The following CAPN8 variants were observed in gnomAD, a reference collection of about 807,000 sequenced individuals.
CAPN8 encodes calpain-8.
CAPN8 carries 87 observed loss-of-function variants against 80.9 expected under a neutral mutation model. That is an observed-to-expected ratio of 1.07 (90% CI 0.90 to 1.28). CAPN8 has a LOEUF of 1.28. Ranked by LOEUF, CAPN8 falls within the 50% of genes most tolerant of loss-of-function variation. CAPN8 has a pLI of 0.00. For synonymous variants in CAPN8, 299 were observed against 273.8 expected (o/e 1.09, Z -0.91); for missense variants, 757 against 702.0 (o/e 1.08, Z -0.89).
chr1:223,628,939 A>G (rs1463308814), intron 2 of CAPN8, 159 bp from the exon 3 acceptor site: 1 of 603,294 alleles, frequency 1.7e-6, no homozygotes, highest in Non-Finnish European at 2.9e-6. Context: ...ACCCGCAGCC[A>G]TCAGCTTCTT....
intron 2 of CAPN8, among the ~76,000 whole-genome samples, chr1:223,631,910 G>A (rs1389059408): frequency 2.0e-5 from 3 of 152,132 alleles, no homozygotes; most frequent in Non-Finnish European, 4.4e-5. Flanking sequence ...CCTCATTACT[G>A]GGCATGGTCC....
At chr1:223,635,658 C>G (rs1208429322) in intron 2 of CAPN8, among the ~76,000 whole-genome samples, 1 of 121,554 alleles carries the variant, frequency 8.2e-6, no homozygotes, top group Non-Finnish European at 1.7e-5. Context: ...CTGAATTCAC[C>G]TCAGTGTAAT....
chr1:223,638,083 G>C (rs1657952845), intron 2 of CAPN8, among the ~76,000 whole-genome samples: 1 of 151,892 alleles, frequency 6.6e-6, no homozygotes, highest in Non-Finnish European at 1.5e-5. Context: ...GAAAATATTT[G>C]AAAAAAATGG....
At chr1:223,627,290 G>T (rs1657617436) in intron 4 of CAPN8, 133 bp from the exon 5 acceptor site, 1 of 985,812 alleles carries the variant, frequency 1.0e-6, no homozygotes, top group Non-Finnish European at 1.5e-6. Flanking sequence ...TTTTGCCTAT[G>T]GGCCAGGAAG....
intron 14 of CAPN8, among the ~76,000 whole-genome samples, chr1:223,553,366 G>A (rs1036419175): frequency 1.6e-4 from 24 of 152,306 alleles, no homozygotes; most frequent in African/African-American, 5.3e-4. Context: ...CCCAGAGGGC[G>A]GGCAGGGCTG....
intron 19 of CAPN8, among the ~76,000 whole-genome samples, chr1:223,543,483 AT>A (rs1423948931): frequency 2.6e-5 from 4 of 152,136 alleles, no homozygotes; most frequent in Non-Finnish European, 5.9e-5. Context: ...GGTCAAACAG[AT>A]TGTGGTTGTC....
rs1658755910 is a variant in CAPN8, at chr1:223,665,296, T to G, written c.237+114A>C. ...AAGGTGGTGGTGGAGGGATCTGAAA[T>G]ATGAGATCCAGACACTTAGGGTCCA... On this transcript the variant is annotated intron_variant, in intron 1 of 20. Coordinates refer to ENST00000366872, the MANE Select transcript of CAPN8 (RefSeq NM_001143962.2). 3 of 787,898 alleles carry G rather than the reference T, an allele frequency of 3.8e-6. No individual in the cohort carries two copies. The Admixed American group carries it at 8.5e-5, about 22-fold the overall frequency. 48.8% of individuals were successfully genotyped at this position (787,898 alleles called of 1,614,324 possible). A position where few individuals can be genotyped will look rare whatever the true frequency, so the allele number is the denominator to read the frequency against.
In CAPN8 at chr1:223,546,394, T is replaced by C. The variant is rs1403763208; in HGVS notation, c.1765-1095A>G. Among the ~76,000 whole-genome samples the C allele has an allele frequency of 3.9e-5, 6 of 152,292 alleles. No individual in the cohort carries two copies. In the East Asian group the frequency reaches 1.2e-3, roughly 29 times the overall value. The stretch of plus-strand genomic sequence containing the variant: ...CTGGGCAACATAATAAGACCCCATC[T>C]CTGAATAAATAATTAGAATTCTAAA... On this transcript the variant is annotated intron_variant, in intron 16 of 20. Coordinates refer to ENST00000366872, the MANE Select transcript of CAPN8 (RefSeq NM_001143962.2).
intron 2 of CAPN8, among the ~76,000 whole-genome samples, chr1:223,631,195 C>G (rs1296331245): frequency 6.6e-6 from 1 of 151,852 alleles, no homozygotes; most frequent in Non-Finnish European, 1.5e-5. Context: ...CTTGATGAAT[C>G]TTACCCCTTC....
chr1:223,544,154 T>G lies in CAPN8; in HGVS notation c.1942A>C (p.Thr648Pro), dbSNP rs1358040955. The G allele has an allele frequency of 5.6e-6, 4 of 718,210 alleles. No homozygotes were observed. In the South Asian group the frequency reaches 5.9e-5, roughly 11 times the overall value. 44.5% of individuals were successfully genotyped at this position (718,210 alleles called of 1,614,324 possible). The change falls in exon 19 of 21, where the codon ACC (threonine) becomes CCC (proline). Residue 648 changes from threonine (T) to proline (P), a missense_variant. Physicochemically the swap from Thr to Pro is conservative, Grantham distance 38. Coordinates refer to ENST00000366872, the MANE Select transcript of CAPN8 (RefSeq NM_001143962.2). ...GFTLNSQVQQ[T>P]IALRYACSKL... ...CTGCACGCATACCGCAGGGCAATGGTCTGCTGCACCTGGCTGTTGAGGGTG... is the reference window on the plus strand; with the variant it reads ...CTGCACGCATACCGCAGGGCAATGGGCTGCTGCACCTGGCTGTTGAGGGTG...
At chr1:223,554,429 G>A (rs1218882889) in intron 13 of CAPN8, among the ~76,000 whole-genome samples, 1 of 152,024 alleles carries the variant, frequency 6.6e-6, no homozygotes, top group Non-Finnish European at 1.5e-5. Flanking sequence ...ATAGTAGCCT[G>A]GGCAACACGG....
Position 223,550,778 on chromosome 1 carries a change from C to T in CAPN8, c.1699+182G>A, listed in dbSNP as rs555629831. 1.1e-4 allele frequency among the ~76,000 whole-genome samples: 16 copies of T among 152,262 alleles called. No homozygotes were observed. The East Asian group carries it at 3.1e-3, about 29-fold the overall frequency. Reference sequence around the variant, plus strand: ...CGCCTTCACCTCCACCCTCGCCTCCCCGTCTTCTGCCTCTCCTTCTTCCCC... The same window carrying T: ...CGCCTTCACCTCCACCCTCGCCTCCTCGTCTTCTGCCTCTCCTTCTTCCCC... On this transcript the variant is annotated intron_variant, in intron 15 of 20. Coordinates refer to ENST00000366872, the MANE Select transcript of CAPN8 (RefSeq NM_001143962.2).
intron 15 of CAPN8, chr1:223,549,594 T>C (rs753269968): frequency 1.9e-5 from 14 of 740,034 alleles, no homozygotes; most frequent in South Asian, 1.5e-4. Flanking sequence ...AGCACCAGCA[T>C]CCAAGTACAG....
intron 16 of CAPN8, among the ~76,000 whole-genome samples, chr1:223,548,902 T>G (rs1289236535): frequency 7.4e-6 from 1 of 134,844 alleles, no homozygotes; most frequent in African/African-American, 2.9e-5. Context: ...AAAGATCAGA[T>G]AGTGATGGGG....
intron 2 of CAPN8, 194 bp from the exon 3 acceptor site, chr1:223,628,974 C>T (rs191456335): frequency 5.2e-6 from 3 of 572,358 alleles, no homozygotes; most frequent in Admixed American, 3.2e-5. Context: ...TTTGTTTACT[C>T]GGGAGTGGAT....
chr1:223,618,979 T>C (rs1657291595), intron 9 of CAPN8, among the ~76,000 whole-genome samples: 1 of 152,132 alleles, frequency 6.6e-6, no homozygotes, highest in Non-Finnish European at 1.5e-5. Flanking sequence ...CACTTGAGCC[T>C]AGGAGCTCGA....
chr1:223,648,749 G>C (rs541052354), intron 2 of CAPN8, among the ~76,000 whole-genome samples: 82 of 152,230 alleles, frequency 5.4e-4, no homozygotes, highest in Non-Finnish European at 9.6e-4. Flanking sequence ...CTCAATAAAT[G>C]CAACAAAAAT....
chr1:223,549,602 C>A, intron 15 of CAPN8: 1 of 722,460 alleles, frequency 1.4e-6, no homozygotes. Context: ...CATCCAAGTA[C>A]AGCATCTGAA....
intron 16 of CAPN8, among the ~76,000 whole-genome samples, chr1:223,546,856 C>T (rs916248928): frequency 3.3e-5 from 5 of 151,982 alleles, no homozygotes; most frequent in Admixed American, 3.3e-4. Context: ...TCAGGATCTC[C>T]AGGAATCAGG....
Sources: gnomAD v4.1 joint callset for allele counts (sites outside exome capture counted in the v4.1 genomes callset) on GRCh38, gnomAD v4.1.1 for gene constraint, MANE v1.5 for transcripts, NCBI Gene and HGNC (gene_info 2026-07-23, HGNC 2026-07-21) for gene names.